The following LPP variants were observed in gnomAD, a reference collection of about 807,000 sequenced individuals.
LPP encodes the protein LIM domain containing preferred translocation partner in lipoma.
In LPP, 38 loss-of-function variants were observed where a neutral mutation model predicts 60.4. That is an observed-to-expected ratio of 0.63 (90% CI 0.49 to 0.83). The LOEUF is 0.83. Ranked by LOEUF, LPP falls within the 40% of genes least tolerant of loss-of-function variation. LPP has a pLI of 0.00. For missense variants in LPP, 902 were observed against 783.6 expected (o/e 1.15, Z -1.80); for synonymous variants, 328 against 290.8 (o/e 1.13, Z -1.30).
chr3:188,741,893 A>G (rs1724571840), intron 8 of LPP, among the ~76,000 whole-genome samples: 1 of 152,086 alleles, frequency 6.6e-6, no homozygotes, highest in Non-Finnish European at 1.5e-5. Flanking sequence ...GTATGTGTAT[A>G]TGACAAAGAT....
intron 5 of LPP, among the ~76,000 whole-genome samples, chr3:188,519,072 C>T (rs1818179942): frequency 1.3e-5 from 2 of 152,182 alleles, no homozygotes; most frequent in South Asian, 4.1e-4. Flanking sequence ...GACACTAAAA[C>T]CACTGGGTGG....
At chr3:188,802,547 C>T (rs1747597627) in intron 9 of LPP, among the ~76,000 whole-genome samples, 1 of 152,156 alleles carries the variant, frequency 6.6e-6, no homozygotes, top group Non-Finnish European at 1.5e-5. Flanking sequence ...CTTCGTGAGG[C>T]CGAGGTGGGT....
rs566715352 is a variant in LPP, at chr3:188,708,092, A to T, written c.1114-175A>T. 5.9e-5 allele frequency among the ~76,000 whole-genome samples: 9 copies of T among 152,350 alleles called. No individual in the cohort carries two copies. In the South Asian group the frequency reaches 1.9e-3, roughly 32 times the overall value. ...CTAGATAAGGCAAATGAGTAAAGAG[A>T]TGTGTCCAAGGTTAGCCACTGAATA... is the stretch of plus-strand genomic sequence containing the variant. On this transcript the variant is annotated intron_variant, in intron 7 of 11. Transcript: ENST00000617246.
intron 6 of LPP, among the ~76,000 whole-genome samples, chr3:188,564,001 A>G (rs1831478899): frequency 6.6e-6 from 1 of 151,970 alleles, no homozygotes; most frequent in Non-Finnish European, 1.5e-5. Context: ...TTGTTTACTT[A>G]AAACAGCCAC....
At chr3:188,734,518 G>T (rs1014429531) in intron 8 of LPP, among the ~76,000 whole-genome samples, 1 of 152,202 alleles carries the variant, frequency 6.6e-6, no homozygotes, top group Non-Finnish European at 1.5e-5. Context: ...TTGCCCCATG[G>T]CTAATTTGGC....
chr3:188,414,609 G>A (rs1785697960), intron 4 of LPP, among the ~76,000 whole-genome samples: 1 of 152,112 alleles, frequency 6.6e-6, no homozygotes, highest in South Asian at 2.1e-4. Context: ...TAAAATTCTA[G>A]AACCAGGGTG....
intron 9 of LPP, among the ~76,000 whole-genome samples, chr3:188,770,865 A>G (rs1735717899): frequency 6.6e-6 from 1 of 152,198 alleles, no homozygotes. Context: ...GTTTCCTCAC[A>G]CTTAGAATGA....
At chr3:188,530,395 A>G (rs1205629222) in intron 6 of LPP, among the ~76,000 whole-genome samples, 1 of 152,248 alleles carries the variant, frequency 6.6e-6, no homozygotes, top group East Asian at 1.9e-4. Context: ...TGTGTTTGTC[A>G]GGGAGTAGTT....
chr3:188,475,329 AT>A (rs2149563857), intron 4 of LPP, among the ~76,000 whole-genome samples: 1 of 152,328 alleles, frequency 6.6e-6, no homozygotes, highest in East Asian at 1.9e-4. Flanking sequence ...GGGACATTAA[AT>A]TTTGGCTTGA....
At chr3:188,233,721 T>C (rs1189123999) in intron 2 of LPP, among the ~76,000 whole-genome samples, 1 of 152,230 alleles carries the variant, frequency 6.6e-6, no homozygotes, top group African/African-American at 2.4e-5. Flanking sequence ...TCTTTACTTT[T>C]CCTTCTACTC....
At chr3:188,491,912 T>C (rs1808488942) in intron 5 of LPP, among the ~76,000 whole-genome samples, 1 of 152,224 alleles carries the variant, frequency 6.6e-6, no homozygotes, top group Non-Finnish European at 1.5e-5. Flanking sequence ...TTCTCTTCTT[T>C]ACTTTTTAAG....
At chr3:188,498,899 A>T (rs1030991417) in intron 5 of LPP, among the ~76,000 whole-genome samples, 1 of 152,156 alleles carries the variant, frequency 6.6e-6, no homozygotes, top group African/African-American at 2.4e-5. Context: ...TCTAATGATT[A>T]CTGATTTTGA....
In LPP at chr3:188,887,774, G is replaced by A. The variant is rs1180530123; in HGVS notation, c.*13295G>A. On this transcript the variant is annotated 3_prime_UTR_variant, in exon 12 of 12. Coordinates refer to ENST00000617246, the MANE Select transcript of LPP (RefSeq NM_001375462.1). ...TTTAGGACCCTAGAAACTAAATCTTGTCACCAAGACTTTATAGTAAAGTAG... is the reference window on the plus strand; with the variant it reads ...TTTAGGACCCTAGAAACTAAATCTTATCACCAAGACTTTATAGTAAAGTAG... 8 of 209,500 alleles carry A rather than the reference G, an allele frequency of 3.8e-5. No homozygotes were observed. The highest frequency in any genetic ancestry group is 3.8e-4 in the South Asian group (2 of 5,298). 13.0% of individuals were successfully genotyped at this position (209,500 alleles called of 1,614,324 possible).
intron 8 of LPP, among the ~76,000 whole-genome samples, chr3:188,748,920 G>C (rs1727171302): frequency 1.3e-5 from 2 of 152,120 alleles, no homozygotes; most frequent in African/African-American, 4.8e-5. Context: ...CCAGAGCCTT[G>C]ACTTTTTTTT....
chr3:188,868,259 T>G (rs991981914), intron 10 of LPP, among the ~76,000 whole-genome samples: 1 of 152,222 alleles, frequency 6.6e-6, no homozygotes, highest in African/African-American at 2.4e-5. Context: ...TTTCTGTGGC[T>G]AGAAAAGACT....
chr3:188,692,411 G>A (rs939720008), intron 7 of LPP, among the ~76,000 whole-genome samples: 5 of 152,172 alleles, frequency 3.3e-5, no homozygotes, highest in African/African-American at 1.2e-4. Flanking sequence ...CTAACTTGTT[G>A]ACTTGACTCA....
chr3:188,750,969 GT>G (rs1577338714), intron 8 of LPP, among the ~76,000 whole-genome samples: 1 of 152,140 alleles, frequency 6.6e-6, no homozygotes, highest in African/African-American at 2.4e-5. Context: ...GCCTTTTTAA[GT>G]TTTAGTATTT....
chr3:188,196,055 G>A (rs550364309), intron 1 of LPP, among the ~76,000 whole-genome samples: 84 of 152,264 alleles, frequency 5.5e-4, no homozygotes, highest in African/African-American at 1.9e-3. Context: ...TTCCTTTTTA[G>A]CAGTGCTCTT....
chr3:188,880,189 C>T lies in LPP; in HGVS notation c.*5710C>T, dbSNP rs1483689042. 6.2e-6 allele frequency: 1 copy of T among 162,068 alleles called. No homozygotes were observed. Among genetic ancestry groups the T allele is most frequent in the Non-Finnish European group, 1.4e-5 (1 of 73,872 alleles). 10.0% of individuals were successfully genotyped at this position (162,068 alleles called of 1,614,324 possible). A position where few individuals can be genotyped will look rare whatever the true frequency, so the allele number is the denominator to read the frequency against. On this transcript the variant is annotated 3_prime_UTR_variant, in exon 12 of 12. Transcript: ENST00000617246. ...GGGACTACAGGCGCCTGCCACCACG[C>T]CCGGCTAATTTTTTTGTATTTTTAG...
Sources: gnomAD v4.1 joint callset for allele counts (sites outside exome capture counted in the v4.1 genomes callset) on GRCh38, gnomAD v4.1.1 for gene constraint, MANE v1.5 for transcripts, NCBI Gene and HGNC (gene_info 2026-07-23, HGNC 2026-07-21) for gene names.